Variants in UIMC1 observed in about 807,000 individuals in gnomAD.
UIMC1 encodes the protein ubiquitin interaction motif containing 1.
In UIMC1, 42 loss-of-function variants were observed where a neutral mutation model predicts 84.9. That is an observed-to-expected ratio of 0.49 (90% confidence interval 0.39 to 0.64). The LOEUF (loss-of-function observed/expected upper bound fraction) is 0.64. Among genes scored for constraint, UIMC1 ranks in the 30% least tolerant of loss-of-function variants. The probability of loss-of-function intolerance (pLI) is 0.00; values close to 1 mark genes in which losing one functional copy is unlikely to be tolerated. For missense variants in UIMC1, 825 were observed against 847.6 expected (o/e 0.97, Z 0.33); for synonymous variants, 281 against 293.0 (o/e 0.96, Z 0.42).
intron 10 of UIMC1, among the ~76,000 whole-genome samples, chr5:176,934,166 A>ATC (rs1763447821): frequency 6.6e-6 from 1 of 152,186 alleles, no homozygotes; most frequent in Non-Finnish European, 1.5e-5. Flanking sequence ...ATATTTCACT[A>ATC]ACAGCAGGAT....
At chr5:177,015,759 C>T (rs914091223) in intron 1 of UIMC1, among the ~76,000 whole-genome samples, 2 of 152,080 alleles carry the variant, frequency 1.3e-5, no homozygotes, top group Non-Finnish European at 2.9e-5. Context: ...ACACTGCTTC[C>T]CTGCGTCCCT....
rs73341869 is a variant in UIMC1, at chr5:176,969,369, G to T, written c.464-78C>A. 5.6e-5 allele frequency: 85 copies of T among 1,511,014 alleles called. No individual in the cohort carries two copies. The African/African-American group carries it at 1.1e-3, about 20-fold the overall frequency. 93.6% of individuals were successfully genotyped at this position (1,511,014 alleles called of 1,614,324 possible). ...GGCTTGGTAAGTTATCACTTACCAA[G>T]AATTACATAATATGGGTAAGAAAGG... On this transcript the variant is annotated intron_variant, in intron 5 of 14. Transcript: ENST00000511320.
rs200923725 is a variant in UIMC1 at position 176,968,756 on chromosome 5, C to T, written c.999G>A (p.Gln333=). The change falls in exon 6 of 15, where the codon CAG becomes CAA. Residue 333 remains glutamine (Q), a synonymous_variant. Coordinates refer to ENST00000511320, the MANE Select transcript of UIMC1 (RefSeq NM_001199298.2). The part of the protein sequence containing the change: ...PVLPRPPSLI[Q]NECGQGEQAS... The stretch of plus-strand genomic sequence containing the variant: ...CCTGCTCTCCTTGGCCACATTCATT[C>T]TGGATCAGAGAAGGAGGTCTAGGTA... 1.2e-6 allele frequency: 2 copies of T among 1,614,028 alleles called. No homozygotes were observed. Among genetic ancestry groups the T allele is most frequent in the African/African-American group, 2.7e-5 (2 of 74,906 alleles).
chr5:176,910,062 G>A (rs1320663346), intron 11 of UIMC1, among the ~76,000 whole-genome samples: 4 of 152,128 alleles, frequency 2.6e-5, no homozygotes, highest in African/African-American at 9.7e-5. Flanking sequence ...TAGAAGCTGG[G>A]GATATAAACA....
At chr5:176,988,100 C>A (rs1772289369) in intron 1 of UIMC1, among the ~76,000 whole-genome samples, 1 of 148,532 alleles carries the variant, frequency 6.7e-6, no homozygotes, top group Non-Finnish European at 1.5e-5. Context: ...CCACAGCACT[C>A]CAGCCTGGGT....
At chr5:176,922,108 C>T (rs1394488518) in intron 10 of UIMC1, among the ~76,000 whole-genome samples, 2 of 152,144 alleles carry the variant, frequency 1.3e-5, no homozygotes, top group African/African-American at 4.8e-5. Context: ...ATCGAGCCCC[C>T]TTTTTCCTCT....
At chr5:176,994,635 C>T (rs945392551) in intron 1 of UIMC1, among the ~76,000 whole-genome samples, 1 of 152,044 alleles carries the variant, frequency 6.6e-6, no homozygotes, top group Non-Finnish European at 1.5e-5. Context: ...ACCAGCCCAG[C>T]AGATTAACAT....
intron 1 of UIMC1, among the ~76,000 whole-genome samples, chr5:176,986,302 G>C (rs1173416596): frequency 7.2e-6 from 1 of 139,372 alleles, no homozygotes; most frequent in Admixed American, 7.6e-5. Flanking sequence ...GGAGATTGCA[G>C]TGAGCTGAGA....
chr5:176,930,443 T>C (rs1249936205), intron 10 of UIMC1, among the ~76,000 whole-genome samples: 1 of 152,208 alleles, frequency 6.6e-6, no homozygotes, highest in Non-Finnish European at 1.5e-5. Context: ...AGGTACGTGA[T>C]CTTGGGGAAA....
At chr5:177,021,009 G>A (rs981714486) in intron 1 of UIMC1, among the ~76,000 whole-genome samples, 9 of 152,204 alleles carry the variant, frequency 5.9e-5, no homozygotes, top group Non-Finnish European at 1.2e-4. Flanking sequence ...GCTACGCAAG[G>A]TGGCATGTGC....
chr5:176,950,785 A>G (rs1765782221), intron 9 of UIMC1, among the ~76,000 whole-genome samples: 1 of 152,060 alleles, frequency 6.6e-6, no homozygotes, highest in Non-Finnish European at 1.5e-5. Context: ...CAGGAGAAAC[A>G]CTTGGACCAG....
At chr5:177,000,153 T>C (rs1774233384) in intron 1 of UIMC1, among the ~76,000 whole-genome samples, 3 of 151,978 alleles carry the variant, frequency 2.0e-5, no homozygotes, top group Admixed American at 2.0e-4. Flanking sequence ...AGAGACGGGG[T>C]TTCACCGTGT....
At chr5:176,960,494 T>C (rs1767209451) in intron 6 of UIMC1, among the ~76,000 whole-genome samples, 1 of 151,946 alleles carries the variant, frequency 6.6e-6, no homozygotes, top group African/African-American at 2.4e-5. Context: ...AAATAAAAAT[T>C]TAAGGAAGCT....
chr5:176,960,532 G>A (rs1313103110), intron 6 of UIMC1, among the ~76,000 whole-genome samples: 1 of 151,896 alleles, frequency 6.6e-6, no homozygotes, highest in Non-Finnish European at 1.5e-5. Flanking sequence ...TCTTCTTCCT[G>A]GAGAAATAAT....
At chr5:176,928,556 T>C (rs1762674678) in intron 10 of UIMC1, among the ~76,000 whole-genome samples, 1 of 152,234 alleles carries the variant, frequency 6.6e-6, no homozygotes, top group Non-Finnish European at 1.5e-5. Flanking sequence ...CTTTTTGCAA[T>C]GTGTAAAACT....
Position 176,923,888 on chromosome 5 carries a change from TACACACACACAGACACACAC to T in UIMC1, c.1598-12519_1598-12500del, listed in dbSNP as rs1762038876. On this transcript the variant is annotated intron_variant, in intron 10 of 14. Transcript: ENST00000511320. Reference sequence around the variant, plus strand: ...CAAAAAAAAAAAATATATATATATATACACACACACAGACACACACACACACACACACACACACAGACACA... The same window carrying T: ...CAAAAAAAAAAAATATATATATATATACACACACACACACACACAGACACA... Among the ~76,000 whole-genome samples the T allele has an allele frequency of 2.9e-5, 4 of 136,768 alleles. No homozygotes were observed. In the South Asian group the frequency reaches 9.0e-4, roughly 31 times the overall value. 89.7% of individuals were successfully genotyped at this position (136,768 alleles called of 152,430 possible).
chr5:176,923,863 CA>C lies in UIMC1; in HGVS notation c.1598-12475del, dbSNP rs374892150. Reference sequence around the variant, plus strand: ...TGGGCAACAGAGCAAGACTCTGTCTCAAAAAAAAAAAATATATATATATATA... The same window carrying C: ...TGGGCAACAGAGCAAGACTCTGTCTCAAAAAAAAAAATATATATATATATA... On this transcript the variant is annotated intron_variant, in intron 10 of 14. Coordinates refer to ENST00000511320, the MANE Select transcript of UIMC1 (RefSeq NM_001199298.2). 1.3e-3 allele frequency among the ~76,000 whole-genome samples: 121 copies of C among 95,136 alleles called. 1 individual carries two copies. The highest frequency in any genetic ancestry group is 2.4e-3 in the East Asian group (7 of 2,860). 62.4% of individuals were successfully genotyped at this position (95,136 alleles called of 152,430 possible).
chr5:176,956,043 A>G lies in UIMC1; in HGVS notation c.1263-8T>C. The G allele has an allele frequency of 1.2e-6, 2 of 1,612,764 alleles. No homozygotes were observed. The highest frequency in any genetic ancestry group is 8.5e-7 in the Non-Finnish European group (1 of 1,179,444). On this transcript the variant is annotated splice_polypyrimidine_tract_variant and splice_region_variant and intron_variant, in intron 7 of 14. Coordinates refer to ENST00000511320, the MANE Select transcript of UIMC1 (RefSeq NM_001199298.2). The stretch of plus-strand genomic sequence containing the variant: ...CTGGTCAAAGCAGCAACACTGAAAG[A>G]GAACCAAATCCCAAATGAATTCCCA...
chr5:177,021,035 T>C (rs183694299), intron 1 of UIMC1, among the ~76,000 whole-genome samples: 2 of 152,176 alleles, frequency 1.3e-5, no homozygotes, highest in East Asian at 3.9e-4. Flanking sequence ...ATCTCAGCAT[T>C]TTGGGAGCCC....
Sources: allele counts gnomAD v4.1 joint callset (sites outside exome capture counted in the v4.1 genomes callset), GRCh38; gene constraint gnomAD v4.1.1; transcripts MANE v1.5; gene names NCBI Gene and HGNC (gene_info 2026-07-23, HGNC 2026-07-21).